PCDHA1: variants seen among roughly 807,000 people sequenced by gnomAD.
PCDHA1 encodes protocadherin alpha 1, also known as protocadherin alpha-1.
In PCDHA1, 42 loss-of-function variants were observed where a neutral mutation model predicts 61.3. That is an observed-to-expected ratio of 0.69 (90% CI 0.54 to 0.89). The LOEUF (loss-of-function observed/expected upper bound fraction) is 0.89, where lower values mean the gene tolerates loss of function less well. Ranked by LOEUF, PCDHA1 falls within the 40% of genes least tolerant of loss-of-function variation. The pLI is 0.00. For synonymous variants in PCDHA1, 610 were observed against 553.8 expected, an observed-to-expected ratio of 1.10 and a Z score of -1.43; for missense variants, 1,256 against 1,235.3, an observed-to-expected ratio of 1.02 and a Z score of -0.25.
intron 1 of PCDHA1, chr5:140,928,442 A>G (rs781976941): frequency 1.2e-6 from 2 of 1,614,166 alleles, no homozygotes; most frequent in South Asian, 1.1e-5. Flanking sequence ...GACTTTGAGC[A>G]GCTCAGGGGG....
chr5:140,841,709 C>T, intron 1 of PCDHA1: 1 of 1,613,900 alleles, frequency 6.2e-7, no homozygotes, highest in South Asian at 1.1e-5. Context: ...TAATGACAAC[C>T]CGCCAGTGTT....
intron 1 of PCDHA1, chr5:140,807,110 A>T: frequency 6.7e-7 from 1 of 1,493,414 alleles, no homozygotes; most frequent in Non-Finnish European, 9.1e-7. Context: ...ATGCAGCTGC[A>T]CTTGACTGAC....
intron 1 of PCDHA1, chr5:140,966,244 G>C (rs1302762597): frequency 3.2e-6 from 1 of 315,708 alleles, no homozygotes; most frequent in Non-Finnish European, 5.7e-6. Context: ...CGTTAAGCAG[G>C]GGAGAGACGG....
rs1328741778 is a variant in PCDHA1, at chr5:140,850,113, G to T, written c.2394+61429G>T. On this transcript the variant is annotated intron_variant, in intron 1 of 3. Transcript: ENST00000504120. ...ACAGTTCCAGGTGAGCGCGCGCGAC[G>T]CGGGCGTGCCGCCTCTGGGCAGCAA... 18 of 1,595,940 alleles carry T rather than the reference G, an allele frequency of 1.1e-5. 2 individuals are homozygous for T. Among genetic ancestry groups the T allele is most frequent in the Non-Finnish European group, 1.5e-5 (18 of 1,167,848 alleles).
rs2150368778 is a variant in PCDHA1 at position 140,844,097 on chromosome 5, C to T, written c.2394+55413C>T. ...CTTAGGCACTGAACTCTTAATCTTA[C>T]TCCATATGCTGTACTTTGAAATGCA... On this transcript the variant is annotated intron_variant, in intron 1 of 3. Coordinates refer to ENST00000504120, the MANE Select transcript of PCDHA1 (RefSeq NM_018900.4). 8.7e-5 allele frequency among the ~76,000 whole-genome samples: 13 copies of T among 149,676 alleles called. No individual in the cohort carries two copies. In the East Asian group the frequency reaches 1.9e-3, roughly 22 times the overall value.
At chr5:141,000,410 TATATA>T in intron 3 of PCDHA1, among the ~76,000 whole-genome samples, 1 of 101,974 alleles carries the variant, frequency 9.8e-6, no homozygotes, top group African/African-American at 3.9e-5. Context: ...TATATATATA[TATATA>T]TATATATTTT....
At chr5:140,963,319 G>T (rs1554226565) in intron 1 of PCDHA1, among the ~76,000 whole-genome samples, 1 of 152,174 alleles carries the variant, frequency 6.6e-6, no homozygotes, top group East Asian at 1.9e-4. Flanking sequence ...GTTTGTATTA[G>T]AATTACACAG....
chr5:140,796,585 G>T, intron 1 of PCDHA1: 5 of 1,613,378 alleles, frequency 3.1e-6, no homozygotes, highest in Non-Finnish European at 4.2e-6. Context: ...GCGGGATGCG[G>T]GCGTGCCGCC....
At chr5:140,821,613 A>G in intron 1 of PCDHA1, 1 of 802,296 alleles carries the variant, frequency 1.2e-6, no homozygotes. Flanking sequence ...TACAGTGAGT[A>G]GATTTTCCTT....
intron 1 of PCDHA1, chr5:140,802,226 C>G: frequency 1.2e-6 from 2 of 1,614,174 alleles, no homozygotes; most frequent in Non-Finnish European, 1.7e-6. Flanking sequence ...TTGTGGACAT[C>G]AATGATAATG....
intron 1 of PCDHA1, among the ~76,000 whole-genome samples, chr5:140,936,053 C>A (rs576745037): frequency 1.3e-5 from 2 of 151,934 alleles, no homozygotes; most frequent in African/African-American, 4.8e-5. Context: ...CCACCACACC[C>A]GGCTAATTTT....
chr5:140,988,411 A>G (rs2097296392), intron 3 of PCDHA1, among the ~76,000 whole-genome samples: 1 of 152,144 alleles, frequency 6.6e-6, no homozygotes, highest in South Asian at 2.1e-4. Context: ...TTCGCAGCTT[A>G]TGTAAAGAAT....
chr5:140,980,039 C>T (rs2096874436), intron 2 of PCDHA1, among the ~76,000 whole-genome samples: 1 of 152,184 alleles, frequency 6.6e-6, no homozygotes, highest in South Asian at 2.1e-4. Context: ...ACATTGGGTG[C>T]TATTTCTGAT....
chr5:141,002,099 GC>G (rs1399073427), intron 3 of PCDHA1, among the ~76,000 whole-genome samples: 9 of 152,362 alleles, frequency 5.9e-5, no homozygotes, highest in Non-Finnish European at 1.2e-4. Flanking sequence ...CAGGGGCTGG[GC>G]CGGAAACGGC....
At chr5:140,806,984 C>A in intron 1 of PCDHA1, 3 of 643,936 alleles carry the variant, frequency 4.7e-6, no homozygotes, top group Non-Finnish European at 7.9e-6. Flanking sequence ...CGGTTTGGAG[C>A]CACATGATGT....
At position 140,802,739 on chromosome 5, in the gene PCDHA1, C is replaced by T. The variant is rs1763012821; in HGVS notation, c.2394+14055C>T. On this transcript the variant is annotated intron_variant, in intron 1 of 3. Coordinates refer to ENST00000504120, the MANE Select transcript of PCDHA1 (RefSeq NM_018900.4). ...GCTACGTGTCGGTACACGCGGAGAG[C>T]GGCAAGGTGTACGCGCTGCAGCCGC... 4 of 1,612,374 alleles carry T rather than the reference C, an allele frequency of 2.5e-6. No homozygotes were observed. In the South Asian group the frequency reaches 3.3e-5, roughly 13 times the overall value.
chr5:140,796,023 G>A (rs781789373), intron 1 of PCDHA1: 5 of 1,614,070 alleles, frequency 3.1e-6, no homozygotes. Flanking sequence ...TCTCAATAAC[G>A]TCTCTCTCAC....
chr5:140,814,647 C>T (rs1426131751), intron 1 of PCDHA1: 29 of 151,982 alleles, frequency 1.9e-4, no homozygotes, highest in Non-Finnish European at 2.5e-4. Context: ...TTTGTTTACA[C>T]CAACATCACC....
chr5:140,913,764 T>C (rs2076457452), intron 1 of PCDHA1, among the ~76,000 whole-genome samples: 1 of 152,162 alleles, frequency 6.6e-6, no homozygotes, highest in Admixed American at 6.5e-5. Flanking sequence ...TCATAGGTTT[T>C]GGCATGTTGT....
Sources: allele counts gnomAD v4.1 joint callset (sites outside exome capture counted in the v4.1 genomes callset), GRCh38; gene constraint gnomAD v4.1.1; transcripts MANE v1.5; gene names NCBI Gene and HGNC (gene_info 2026-07-23, HGNC 2026-07-21).